Variants in DACH1 observed in about 807,000 individuals in gnomAD.
DACH1 encodes the protein dachshund homolog 1.
In DACH1, 12 loss-of-function variants were observed where a neutral mutation model predicts 54.2. The observed-to-expected ratio is 0.22, with a 90% CI of 0.14 to 0.36. The LOEUF is 0.36. Ranked by LOEUF, DACH1 falls within the 10% of genes least tolerant of loss-of-function variation. The pLI is 1.00. For missense variants in DACH1, 805 were observed against 929.8 expected, an observed-to-expected ratio of 0.87 and a Z score of 1.75; for synonymous variants, 386 against 366.2, an observed-to-expected ratio of 1.05 and a Z score of -0.62.
intron 6 of DACH1, among the ~76,000 whole-genome samples, chr13:71,513,345 G>A (rs988600005): frequency 1.3e-5 from 2 of 151,828 alleles, no homozygotes; most frequent in Non-Finnish European, 2.9e-5. Flanking sequence ...AATTAATGAG[G>A]TTTGATTGTA....
chr13:71,659,257 C>A (rs1263268516), intron 2 of DACH1, among the ~76,000 whole-genome samples: 1 of 152,074 alleles, frequency 6.6e-6, no homozygotes, highest in East Asian at 1.9e-4. Flanking sequence ...GTTTTTGACT[C>A]TTACTGGGGG....
At chr13:71,722,251 T>A (rs1418349696) in intron 1 of DACH1, among the ~76,000 whole-genome samples, 5 of 152,212 alleles carry the variant, frequency 3.3e-5, no homozygotes, top group Non-Finnish European at 5.9e-5. Context: ...ACTCCCTCCA[T>A]ATTGACATTT....
At chr13:71,804,778 T>G (rs542193896) in intron 1 of DACH1, among the ~76,000 whole-genome samples, 1 of 152,274 alleles carries the variant, frequency 6.6e-6, no homozygotes, top group Non-Finnish European at 1.5e-5. Context: ...CTTTCCCCAC[T>G]TTTTGCTTCA....
chr13:71,778,040 C>T (rs548132239), intron 1 of DACH1, among the ~76,000 whole-genome samples: 3 of 151,006 alleles, frequency 2.0e-5, no homozygotes, highest in Non-Finnish European at 4.4e-5. Context: ...TGCAGTGAGC[C>T]GAGATTGCAC....
At chr13:71,798,615 A>G (rs1046958614) in intron 1 of DACH1, among the ~76,000 whole-genome samples, 2 of 151,920 alleles carry the variant, frequency 1.3e-5, no homozygotes, top group Non-Finnish European at 2.9e-5. Context: ...ACCTTCATCC[A>G]TTTGTGAAAA....
At chr13:71,618,075 C>T (rs1395282802) in intron 3 of DACH1, among the ~76,000 whole-genome samples, 2 of 151,984 alleles carry the variant, frequency 1.3e-5, no homozygotes, top group Non-Finnish European at 1.5e-5. Context: ...CTCTTTTTGT[C>T]AGCTTTACTA....
intron 1 of DACH1, among the ~76,000 whole-genome samples, chr13:71,735,791 A>T (rs1289552887): frequency 6.6e-6 from 1 of 151,626 alleles, no homozygotes; most frequent in Non-Finnish European, 1.5e-5. Context: ...ACTTCCCATA[A>T]GGTAATCCAT....
chr13:71,759,695 T>C (rs559872791), intron 1 of DACH1, among the ~76,000 whole-genome samples: 4 of 152,198 alleles, frequency 2.6e-5, no homozygotes, highest in Non-Finnish European at 5.9e-5. Flanking sequence ...TAATGAGGCA[T>C]GGACAACTGC....
In DACH1 at chr13:71,571,768, C is replaced by T. The variant is rs1483392802; in HGVS notation, c.1299+1072G>A. ...TTTTTTTCTTTGAGACGGAGTCTCA[C>T]TGTGTCACCCAGGCTGGAGTGCAGT... On this transcript the variant is annotated intron_variant, in intron 4 of 10. Coordinates refer to ENST00000613252, the MANE Select transcript of DACH1 (RefSeq NM_080759.6). Among the ~76,000 whole-genome samples the T allele has an allele frequency of 2.8e-5, 4 of 142,238 alleles. No individual in the cohort carries two copies. The East Asian group carries it at 9.3e-4, about 33-fold the overall frequency. The allele number at this position is 142,238 out of a possible 152,430, so 93.3% of individuals were successfully genotyped here. A position where few individuals can be genotyped will look rare whatever the true frequency, so the allele number is the denominator to read the frequency against.
At chr13:71,504,388 T>G (rs1201959231) in intron 6 of DACH1, among the ~76,000 whole-genome samples, 9 of 152,222 alleles carry the variant, frequency 5.9e-5, no homozygotes, top group Admixed American at 5.9e-4. Context: ...GTATTCTATA[T>G]GTGTAATAGT....
chr13:71,573,417 C>G (rs1179756118), intron 3 of DACH1: 18 of 715,916 alleles, frequency 2.5e-5, no homozygotes, highest in Admixed American at 4.0e-5. Context: ...TGCCATCGTA[C>G]CATTTGGCAG....
intron 6 of DACH1, among the ~76,000 whole-genome samples, chr13:71,512,776 G>C (rs1880877888): frequency 6.6e-6 from 1 of 151,848 alleles, no homozygotes; most frequent in Admixed American, 6.6e-5. Context: ...AACTGTGTGT[G>C]TCTAAATTGA....
At position 71,489,021 on chromosome 13, in the gene DACH1, G is replaced by C. The variant is rs375317673; in HGVS notation, c.1698C>G (p.Ile566Met). 8.7e-6 allele frequency: 14 copies of C among 1,613,480 alleles called. No homozygotes were observed. The African/African-American group carries it at 9.4e-5, about 11-fold the overall frequency. The change falls in exon 7 of 11, where the codon ATC (isoleucine) becomes ATG (methionine). Residue 566 changes from isoleucine (I) to methionine (M), a missense_variant. Coordinates refer to ENST00000613252, the MANE Select transcript of DACH1 (RefSeq NM_080759.6). ...CCTGTATGTTAGTCAGAAGAGTCTC[G>C]ATGGAAGACAGTCCATCAGGAAACA... ...PFLFPDGLSS[I>M]ETLLTNIQGL...
intron 1 of DACH1, among the ~76,000 whole-genome samples, chr13:71,735,058 GATAC>G (rs543391924): frequency 6.5e-4 from 66 of 101,202 alleles, no homozygotes; most frequent in Admixed American, 3.4e-3. Context: ...GTATATGGGT[GATAC>G]ATATATATGG....
chr13:71,508,994 C>T lies in DACH1; in HGVS notation c.1571-19846G>A, dbSNP rs138648657. ...TCACATATACACTCACCAAATTATC[C>T]CTTCAAAATATTCTTAACATTTCTG... On this transcript the variant is annotated intron_variant, in intron 6 of 10. Coordinates refer to ENST00000613252, the MANE Select transcript of DACH1 (RefSeq NM_080759.6). Among the ~76,000 whole-genome samples the T allele has an allele frequency of 2.7e-3, 411 of 152,138 alleles. 2 individuals carry two copies. The highest frequency in any genetic ancestry group is 9.3e-3 in the African/African-American group (388 of 41,528).
At chr13:71,837,408 GT>G (rs66519278) in intron 1 of DACH1, among the ~76,000 whole-genome samples, 62,962 of 151,520 alleles carry the variant, frequency 0.42, 14,830 homozygotes, top group East Asian at 0.75. Context: ...TAAAATATGG[GT>G]TTTTTTTAAC....
At chr13:71,687,645 T>C (rs1263796580) in intron 1 of DACH1, among the ~76,000 whole-genome samples, 1 of 152,178 alleles carries the variant, frequency 6.6e-6, no homozygotes, top group Non-Finnish European at 1.5e-5. Flanking sequence ...TCTCACTCTG[T>C]TGCTCAGGTT....
At chr13:71,671,839 C>T (rs1386934748) in intron 2 of DACH1, among the ~76,000 whole-genome samples, 1 of 152,206 alleles carries the variant, frequency 6.6e-6, no homozygotes, top group Middle Eastern at 3.4e-3. Context: ...CACTTTCTGA[C>T]AGTTCTCCAC....
chr13:71,461,309 G>A (rs1434299833), intron 10 of DACH1, among the ~76,000 whole-genome samples: 1 of 152,042 alleles, frequency 6.6e-6, no homozygotes, highest in African/African-American at 2.4e-5. Flanking sequence ...ATTCAAAGCA[G>A]TTAGGAGAAG....
Sources: gnomAD v4.1 joint callset for allele counts (sites outside exome capture counted in the v4.1 genomes callset) on GRCh38, gnomAD v4.1.1 for gene constraint, MANE v1.5 for transcripts, NCBI Gene and HGNC (gene_info 2026-07-23, HGNC 2026-07-21) for gene names.